The following LINGO2 variants were observed in gnomAD, a reference collection of about 807,000 sequenced individuals.
The protein encoded by LINGO2 is leucine rich repeat and Ig domain containing 2, also known as leucine-rich repeat and immunoglobulin-like domain-containing nogo receptor-interacting protein 2.
Under a neutral mutation model 30.6 loss-of-function variants are expected in LINGO2, and 14 were observed. That is an observed-to-expected ratio of 0.46 (90% confidence interval 0.30 to 0.72). LINGO2 has a LOEUF of 0.72. Ranked by LOEUF, LINGO2 falls within the 30% of genes least tolerant of loss-of-function variation. The probability of loss-of-function intolerance (pLI) is 0.07; values close to 1 mark genes in which losing one functional copy is unlikely to be tolerated. For missense variants in LINGO2, 729 were observed against 751.7 expected, an observed-to-expected ratio of 0.97 and a Z score of 0.35; for synonymous variants, 317 against 288.5, an observed-to-expected ratio of 1.10 and a Z score of -1.00.
intron 4 of LINGO2, among the ~76,000 whole-genome samples, chr9:28,220,340 C>T (rs1027702547): frequency 6.6e-6 from 1 of 152,116 alleles, no homozygotes; most frequent in Non-Finnish European, 1.5e-5. Flanking sequence ...TACTGGCTTT[C>T]AGAACAGGTT....
chr9:28,413,797 G>T (rs567303124), intron 2 of LINGO2, among the ~76,000 whole-genome samples: 27 of 152,026 alleles, frequency 1.8e-4, no homozygotes, highest in Non-Finnish European at 3.4e-4. Context: ...CTTTGTCTGT[G>T]TTATAAATTA....
chr9:29,101,554 T>C, the LINGO2 span, among the ~76,000 whole-genome samples: 35,831 of 151,248 alleles, frequency 0.24, 4,356 homozygotes, highest in East Asian at 0.41. Context: ...GTGTAGTGTC[T>C]TCTCACACAG....
the LINGO2 span, among the ~76,000 whole-genome samples, chr9:29,119,291 T>C: frequency 6.6e-6 from 1 of 152,080 alleles, no homozygotes; most frequent in East Asian, 1.9e-4. Flanking sequence ...AAACCATATA[T>C]GTGATAAAGG....
chr9:29,026,564 G>C, the LINGO2 span, among the ~76,000 whole-genome samples: 7 of 151,838 alleles, frequency 4.6e-5, no homozygotes, highest in African/African-American at 1.7e-4. Context: ...AAACAGTATA[G>C]ATATTTATAT....
At chr9:28,312,111 G>T (rs1824645922) in intron 3 of LINGO2, among the ~76,000 whole-genome samples, 1 of 149,682 alleles carries the variant, frequency 6.7e-6, no homozygotes, top group South Asian at 2.1e-4. Context: ...TATTAGTCAA[G>T]TATCTATGTT....
chr9:28,679,402 T>C, the LINGO2 span, among the ~76,000 whole-genome samples: 69 of 152,130 alleles, frequency 4.5e-4, no homozygotes, highest in African/African-American at 1.7e-3. Context: ...TGTCATCTTA[T>C]GATGCATAAT....
chr9:28,400,237 C>G (rs559949321), intron 2 of LINGO2, among the ~76,000 whole-genome samples: 6 of 152,236 alleles, frequency 3.9e-5, no homozygotes, highest in Admixed American at 1.3e-4. Context: ...GAACTTGGAT[C>G]CAAGTGCTAG....
chr9:28,918,855 A>G, the LINGO2 span, among the ~76,000 whole-genome samples: 1 of 152,264 alleles, frequency 6.6e-6, no homozygotes, highest in South Asian at 2.1e-4. Flanking sequence ...CAAAATCAAA[A>G]TTTAAAAACA....
At chr9:28,992,762 C>A in the LINGO2 span, among the ~76,000 whole-genome samples, 1 of 152,072 alleles carries the variant, frequency 6.6e-6, no homozygotes, top group Non-Finnish European at 1.5e-5. Flanking sequence ...TCCTGAGTGG[C>A]TACTGGGTAC....
At chr9:28,604,494 T>A (rs1258274440) in intron 1 of LINGO2, among the ~76,000 whole-genome samples, 9 of 152,082 alleles carry the variant, frequency 5.9e-5, no homozygotes, top group African/African-American at 2.2e-4. Flanking sequence ...ATTATCATAA[T>A]CATGTGTTTT....
At chr9:28,542,968 C>T (rs1448080101) in intron 1 of LINGO2, among the ~76,000 whole-genome samples, 1 of 151,640 alleles carries the variant, frequency 6.6e-6, no homozygotes, top group African/African-American at 2.4e-5. Flanking sequence ...ACGTGTAGGG[C>T]ACAGAAAACA....
chr9:29,142,861 T>A, the LINGO2 span, among the ~76,000 whole-genome samples: 1 of 151,836 alleles, frequency 6.6e-6, no homozygotes, highest in Admixed American at 6.6e-5. Context: ...AGTAAAAGTG[T>A]CTCTGTTTAT....
At chr9:28,518,948 T>A (rs1034798364) in intron 1 of LINGO2, among the ~76,000 whole-genome samples, 1 of 152,236 alleles carries the variant, frequency 6.6e-6, no homozygotes, top group African/African-American at 2.4e-5. Flanking sequence ...TCTGCTTTTC[T>A]TGTACTGTTG....
At chr9:28,614,714 G>C (rs1587962519) in intron 1 of LINGO2, among the ~76,000 whole-genome samples, 1 of 152,150 alleles carries the variant, frequency 6.6e-6, no homozygotes, top group East Asian at 1.9e-4. Flanking sequence ...AGTGGAATTA[G>C]GATATGATAG....
At chr9:27,956,703 T>C (rs924642557) in intron 5 of LINGO2, among the ~76,000 whole-genome samples, 2 of 152,168 alleles carry the variant, frequency 1.3e-5, no homozygotes, top group Non-Finnish European at 2.9e-5. Context: ...CGTGACCCAT[T>C]TTGAATTGAT....
chr9:29,029,278 T>A, the LINGO2 span, among the ~76,000 whole-genome samples: 2 of 152,124 alleles, frequency 1.3e-5, no homozygotes, highest in African/African-American at 4.8e-5. Flanking sequence ...TTGCTTAATA[T>A]TTACAAACAC....
intron 4 of LINGO2, among the ~76,000 whole-genome samples, chr9:28,062,883 CT>C (rs1825199873): frequency 6.6e-6 from 1 of 151,916 alleles, no homozygotes; most frequent in Non-Finnish European, 1.5e-5. Flanking sequence ...TTAGCTGTCA[CT>C]GCACTTCCAT....
chr9:28,325,686 T>C (rs943471170), intron 3 of LINGO2, among the ~76,000 whole-genome samples: 4 of 152,184 alleles, frequency 2.6e-5, no homozygotes, highest in Non-Finnish European at 4.4e-5. Flanking sequence ...TCTGCCATGA[T>C]TGTGACGCCT....
At chr9:28,815,587 T>C in the LINGO2 span, among the ~76,000 whole-genome samples, 1 of 152,140 alleles carries the variant, frequency 6.6e-6, no homozygotes, top group African/African-American at 2.4e-5. Context: ...ATGTAGAAAA[T>C]AGAAGTCATT....
Sources: gnomAD v4.1 joint callset for allele counts (sites outside exome capture counted in the v4.1 genomes callset) on GRCh38, gnomAD v4.1.1 for gene constraint, MANE v1.5 for transcripts, NCBI Gene and HGNC (gene_info 2026-07-23, HGNC 2026-07-21) for gene names.